PCDH11X: variants seen among roughly 807,000 people sequenced by gnomAD.
PCDH11X encodes protocadherin-11 X-linked.
Under a neutral mutation model 53.3 loss-of-function variants are expected in PCDH11X, and 18 were observed. That is an observed-to-expected ratio of 0.34 (90% CI 0.23 to 0.50). The LOEUF (loss-of-function observed/expected upper bound fraction) is 0.50, where lower values mean the gene tolerates loss of function less well. Ranked by LOEUF, PCDH11X falls within the 20% of genes least tolerant of loss-of-function variation. PCDH11X has a pLI of 0.98. For synonymous variants in PCDH11X, 279 were observed against 393.3 expected (o/e 0.71, Z 3.44); for missense variants, 570 against 1,032.4 (o/e 0.55, Z 6.14).
intron 6 of PCDH11X, among the ~76,000 whole-genome samples, chrX:92,075,937 A>G (rs1256613869): frequency 9.1e-6 from 1 of 110,360 alleles, no homozygotes; most frequent in East Asian, 2.9e-4. Context: ...TTTCCACTGT[A>G]CTAGGCAGTA....
At chrX:91,921,269 C>A (rs1941729312) in intron 6 of PCDH11X, among the ~76,000 whole-genome samples, 2 of 110,400 alleles carry the variant, frequency 1.8e-5, no homozygotes, top group Admixed American at 9.7e-5. Flanking sequence ...TCAATATCCC[C>A]CACCAGAGTG....
intron 5 of PCDH11X, among the ~76,000 whole-genome samples, chrX:91,837,005 A>G (rs1424215640): frequency 1.9e-5 from 2 of 107,620 alleles, no homozygotes; most frequent in African/African-American, 3.4e-5. Context: ...TCAGATAGAT[A>G]TGTTCAGGGG....
intron 10 of PCDH11X, among the ~76,000 whole-genome samples, chrX:92,503,819 C>T (rs2750844): frequency 1.8e-5 from 2 of 110,515 alleles, no homozygotes; most frequent in African/African-American, 3.3e-5. Flanking sequence ...CCATGGCACA[C>T]GTTTACTTAT....
intron 8 of PCDH11X, among the ~76,000 whole-genome samples, chrX:92,366,253 G>T (rs1430179310): frequency 9.0e-6 from 1 of 111,398 alleles, no homozygotes; most frequent in East Asian, 2.8e-4. Flanking sequence ...ATTTCTTCTA[G>T]ATTTTCTGGT....
At chrX:92,189,101 A>T (rs1281205381) in intron 6 of PCDH11X, among the ~76,000 whole-genome samples, 1 of 110,888 alleles carries the variant, frequency 9.0e-6, no homozygotes, top group Non-Finnish European at 1.9e-5. Flanking sequence ...CAGGATGTGC[A>T]GGTTTCTTAC....
chrX:91,917,569 CAAAAAAAAAAAA>C (rs59199030), intron 6 of PCDH11X, among the ~76,000 whole-genome samples: 2 of 15,888 alleles, frequency 1.3e-4, no homozygotes, highest in Admixed American at 1.7e-3. Context: ...ACAGCAGCTG[CAAAAAAAAAAAA>C]AAAAAAAAAA....
chrX:92,318,360 C>A (rs1169121797), intron 8 of PCDH11X, among the ~76,000 whole-genome samples: 3 of 111,696 alleles, frequency 2.7e-5, no homozygotes, highest in Non-Finnish European at 3.8e-5. Context: ...CTTGCCTGTA[C>A]AATCCAGCAA....
intron 10 of PCDH11X, among the ~76,000 whole-genome samples, chrX:92,484,222 T>C (rs1399380538): frequency 1.5e-4 from 14 of 94,589 alleles, no homozygotes; most frequent in East Asian, 3.2e-4. Context: ...TATATGTATA[T>C]ATGTATATAT....
In PCDH11X at chrX:91,882,163, T is replaced by C. The variant is rs1299067891; in HGVS notation, c.3033+2890T>C. Among the ~76,000 whole-genome samples, 29 of 111,193 alleles carry C rather than the reference T, an allele frequency of 2.6e-4. No individual in the cohort carries two copies. The Admixed American group carries it at 2.7e-3, about 10-fold the overall frequency. ...TACATATATTGCATAAAGCCATCTA[T>C]ACCTGGGGAATATAATGGTCGTCTT... On this transcript the variant is annotated intron_variant, in intron 6 of 10. Coordinates refer to ENST00000682573, the MANE Select transcript of PCDH11X (RefSeq NM_032968.5).
intron 10 of PCDH11X, among the ~76,000 whole-genome samples, chrX:92,594,546 C>A (rs1220235874): frequency 9.2e-6 from 1 of 108,113 alleles, no homozygotes; most frequent in Non-Finnish European, 1.9e-5. Flanking sequence ...TTATGTGCCA[C>A]AGAGATGACC....
At chrX:92,088,830 T>C (rs1264506120) in intron 6 of PCDH11X, among the ~76,000 whole-genome samples, 1 of 111,283 alleles carries the variant, frequency 9.0e-6, no homozygotes, top group Non-Finnish European at 1.9e-5. Context: ...TATTGTAGTG[T>C]CCTACAAAAT....
intron 6 of PCDH11X, among the ~76,000 whole-genome samples, chrX:92,198,016 G>A (rs1482281843): frequency 1.8e-5 from 2 of 110,706 alleles, no homozygotes; most frequent in Non-Finnish European, 3.8e-5. Context: ...TTGTTAGAAT[G>A]ATTTTCTTAC....
chrX:92,448,943 T>A (rs2072718561), intron 9 of PCDH11X, among the ~76,000 whole-genome samples: 1 of 112,087 alleles, frequency 8.9e-6, no homozygotes. Flanking sequence ...CATAAGTAGC[T>A]CTGTTCTTTT....
At chrX:92,560,124 G>T (rs752406859) in intron 10 of PCDH11X, among the ~76,000 whole-genome samples, 3 of 112,298 alleles carry the variant, frequency 2.7e-5, no homozygotes, top group South Asian at 3.7e-4. Flanking sequence ...CTCAGCCACA[G>T]TAGGATAGGG....
chrX:92,276,702 G>T (rs1309666542), intron 8 of PCDH11X, among the ~76,000 whole-genome samples: 1 of 111,623 alleles, frequency 9.0e-6, no homozygotes, highest in East Asian at 2.8e-4. Flanking sequence ...CCTGTTGTGG[G>T]GTTTGACGGC....
intron 7 of PCDH11X, among the ~76,000 whole-genome samples, chrX:92,234,979 A>G (rs191608649): frequency 1.8e-5 from 2 of 111,204 alleles, no homozygotes; most frequent in East Asian, 5.6e-4. Flanking sequence ...TTCAATACAC[A>G]TTTTAGAAAA....
At chrX:92,584,894 A>G (rs1470641087) in intron 10 of PCDH11X, among the ~76,000 whole-genome samples, 2 of 104,715 alleles carry the variant, frequency 1.9e-5, no homozygotes, top group African/African-American at 7.1e-5. Flanking sequence ...CGGGGGTACA[A>G]GTGATTCTCC....
At chrX:92,077,358 T>A (rs1202083394) in intron 6 of PCDH11X, among the ~76,000 whole-genome samples, 2 of 107,037 alleles carry the variant, frequency 1.9e-5, no homozygotes, top group Admixed American at 2.1e-4. Context: ...GAAATATTAA[T>A]CCTAGCTTTA....
chrX:92,411,774 T>C (rs62596929), intron 9 of PCDH11X, among the ~76,000 whole-genome samples: 27,423 of 104,707 alleles, frequency 0.26, 3,979 homozygotes, highest in African/African-American at 0.55. Context: ...AAATGGAGAT[T>C]GAACATGCTG....
Sources: gnomAD v4.1 joint callset for allele counts (sites outside exome capture counted in the v4.1 genomes callset) on GRCh38, gnomAD v4.1.1 for gene constraint, MANE v1.5 for transcripts, NCBI Gene and HGNC (gene_info 2026-07-23, HGNC 2026-07-21) for gene names.